Variants in FAM107B observed in about 807,000 individuals in gnomAD.
FAM107B encodes protein FAM107B.
Under a neutral mutation model 31.5 loss-of-function variants are expected in FAM107B, and 21 were observed. The observed-to-expected ratio is 0.67, with a 90% CI of 0.47 to 0.96. The LOEUF is 0.96. Ranked by LOEUF, FAM107B falls within the 40% of genes least tolerant of loss-of-function variation. FAM107B has a pLI of 0.00. For synonymous variants in FAM107B, 157 were observed against 141.5 expected (o/e 1.11, Z -0.78); for missense variants, 452 against 377.1 (o/e 1.20, Z -1.64).
At chr10:14,724,127 G>A (rs186666012) in intron 1 of FAM107B, 54 of 535,646 alleles carry the variant, frequency 1.0e-4, no homozygotes, top group African/African-American at 5.4e-4. Flanking sequence ...TGGGTAGCGC[G>A]GAAAGGCTGC....
chr10:14,647,594 G>T (rs183543495), intron 2 of FAM107B, among the ~76,000 whole-genome samples: 1 of 151,372 alleles, frequency 6.6e-6, no homozygotes, highest in East Asian at 1.9e-4. Context: ...TGAGGCAGGA[G>T]GAATCACTTG....
rs989415579 is a variant in FAM107B, at chr10:14,667,758, T to C, written c.412-67A>G. ...AAAAATATGCATTAATGTAAGGCAA[T>C]ACTTTTTGCAAGCCTACTAATTAAT... is the stretch of plus-strand genomic sequence containing the variant. On this transcript the variant is annotated intron_variant, in intron 1 of 4. Coordinates refer to ENST00000181796, the MANE Select transcript of FAM107B (RefSeq NM_031453.4). 3.3e-6 allele frequency: 5 copies of C among 1,536,662 alleles called. No homozygotes were observed. The African/African-American group carries it at 5.5e-5, about 17-fold the overall frequency.
At position 14,770,321 on chromosome 10, in the gene FAM107B, G is replaced by A. The variant is rs1407530146; in HGVS notation, c.411+3932C>T. 4.6e-5 allele frequency among the ~76,000 whole-genome samples: 7 copies of A among 152,166 alleles called. No individual in the cohort carries two copies. The South Asian group carries it at 1.2e-3, about 27-fold the overall frequency. ...GGGTGGATCATGAGGTCAGGAATTC[G>A]AGATCAGGCTGGCCAACATGGTGAA... On this transcript the variant is annotated intron_variant, in intron 1 of 4. Transcript: ENST00000181796.
intron 2 of FAM107B, among the ~76,000 whole-genome samples, chr10:14,570,233 G>GGTGGGTGGGTGTGT (rs768204428): frequency 7.1e-6 from 1 of 140,340 alleles, no homozygotes; most frequent in Non-Finnish European, 1.6e-5. Context: ...AAATGTGGTG[G>GGTGGGTGGGTGTGT]GTGTGTGTGT....
rs558203429 is a variant in FAM107B at position 14,568,096 on chromosome 10, C to T, written c.470-37581G>A. On this transcript the variant is annotated intron_variant, in intron 2 of 4. Coordinates refer to ENST00000181796, the MANE Select transcript of FAM107B (RefSeq NM_031453.4). ...CTTTCAAGGAACGAATGAGGAGCTA[C>T]GACCACGAAATGCTAGCACTGAGGG... Among the ~76,000 whole-genome samples the T allele has an allele frequency of 1.5e-4, 23 of 152,286 alleles. No individual in the cohort carries two copies. The South Asian group carries it at 3.3e-3, about 22-fold the overall frequency.
At chr10:14,713,570 AACAG>A (rs1224946081) in intron 1 of FAM107B, among the ~76,000 whole-genome samples, 1 of 152,198 alleles carries the variant, frequency 6.6e-6, no homozygotes, top group East Asian at 1.9e-4. Flanking sequence ...AAAATTCTGG[AACAG>A]ACAGTGTTAA....
intron 2 of FAM107B, among the ~76,000 whole-genome samples, chr10:14,577,721 G>A (rs949923759): frequency 3.3e-5 from 5 of 152,214 alleles, no homozygotes; most frequent in South Asian, 2.1e-4. Context: ...TGCTTATAAC[G>A]TAACAACACA....
intron 2 of FAM107B, among the ~76,000 whole-genome samples, chr10:14,538,349 G>A (rs376640509): frequency 7.2e-5 from 11 of 152,152 alleles, no homozygotes; most frequent in Non-Finnish European, 1.2e-4. Context: ...AGTAAACAGC[G>A]GTGTGCTGAC....
intron 1 of FAM107B, among the ~76,000 whole-genome samples, chr10:14,726,363 G>A (rs1282448077): frequency 2.0e-5 from 3 of 152,138 alleles, no homozygotes; most frequent in African/African-American, 7.2e-5. Flanking sequence ...TTACAAATCA[G>A]GGACAATGGT....
At chr10:14,639,741 G>A (rs562815000) in intron 2 of FAM107B, among the ~76,000 whole-genome samples, 3 of 152,112 alleles carry the variant, frequency 2.0e-5, no homozygotes, top group African/African-American at 4.8e-5. Context: ...AGCCCTCCAT[G>A]ACCTCATTTA....
intron 2 of FAM107B, among the ~76,000 whole-genome samples, chr10:14,608,595 T>C (rs934113178): frequency 6.6e-6 from 1 of 152,144 alleles, no homozygotes; most frequent in African/African-American, 2.4e-5. Flanking sequence ...GCATCTCAGA[T>C]CCACTTGTAT....
intron 1 of FAM107B, among the ~76,000 whole-genome samples, chr10:14,758,933 C>A (rs1036060768): frequency 2.8e-5 from 4 of 143,704 alleles, no homozygotes; most frequent in Admixed American, 7.0e-5. Context: ...AATCCCAGCA[C>A]TTTGGGAGGC....
At chr10:14,755,646 T>A (rs1366863664) in intron 1 of FAM107B, among the ~76,000 whole-genome samples, 1 of 152,170 alleles carries the variant, frequency 6.6e-6, no homozygotes, top group African/African-American at 2.4e-5. Flanking sequence ...ATTGATTCCT[T>A]TTTCATCCAT....
chr10:14,592,318 G>A (rs923735689), intron 2 of FAM107B, among the ~76,000 whole-genome samples: 3 of 152,304 alleles, frequency 2.0e-5, no homozygotes, highest in South Asian at 2.1e-4. Flanking sequence ...GAAATGTACA[G>A]GTTCCTTTGC....
intron 2 of FAM107B, among the ~76,000 whole-genome samples, chr10:14,603,838 ACGCCGGG>A: frequency 6.6e-6 from 1 of 151,664 alleles, no homozygotes; most frequent in Non-Finnish European, 1.5e-5. Flanking sequence ...GACCCGGTCC[ACGCCGGG>A]CGCCGCGGGG....
At chr10:14,671,762 T>C (rs1854551046) in intron 1 of FAM107B, among the ~76,000 whole-genome samples, 1 of 151,568 alleles carries the variant, frequency 6.6e-6, no homozygotes, top group South Asian at 2.1e-4. Context: ...CAAGAGATGC[T>C]CCAATGCTTT....
chr10:14,734,091 T>TA (rs199541560), intron 1 of FAM107B, among the ~76,000 whole-genome samples: 3 of 151,210 alleles, frequency 2.0e-5, no homozygotes, highest in East Asian at 1.9e-4. Context: ...GGACTTCCTT[T>TA]AAAAAAAAAT....
chr10:14,733,055 C>G (rs1856212011), intron 1 of FAM107B, among the ~76,000 whole-genome samples: 1 of 146,216 alleles, frequency 6.8e-6, no homozygotes, highest in Non-Finnish European at 1.5e-5. Context: ...ATAATTATAT[C>G]TAATAATTAT....
chr10:14,533,381 GA>G (rs1847241944), intron 2 of FAM107B, among the ~76,000 whole-genome samples: 1 of 152,196 alleles, frequency 6.6e-6, no homozygotes, highest in Non-Finnish European at 1.5e-5. Context: ...TGAGCAACCA[GA>G]AGGCTCAAGT....
Sources: gnomAD v4.1 joint callset for allele counts (sites outside exome capture counted in the v4.1 genomes callset) on GRCh38, gnomAD v4.1.1 for gene constraint, MANE v1.5 for transcripts, NCBI Gene and HGNC (gene_info 2026-07-23, HGNC 2026-07-21) for gene names.